The following CNTNAP2 variants were observed in gnomAD, a reference collection of about 807,000 sequenced individuals.
CNTNAP2 encodes contactin-associated protein-like 2.
A neutral mutation model predicts 155.2 loss-of-function variants in CNTNAP2; 98 were observed. The ratio of observed to expected loss-of-function variants is 0.63; its 90% CI spans 0.54 to 0.75. The LOEUF (loss-of-function observed/expected upper bound fraction) is 0.75, where lower values mean the gene tolerates loss of function less well. Ranked by LOEUF, CNTNAP2 falls within the 30% of genes least tolerant of loss-of-function variation. The pLI is 0.00. For synonymous variants in CNTNAP2, 651 were observed against 631.2 expected (o/e 1.03, Z -0.47); for missense variants, 1,727 against 1,688.1 (o/e 1.02, Z -0.40).
At chr7:147,096,301 T>C (rs1800532017) in intron 4 of CNTNAP2, among the ~76,000 whole-genome samples, 1 of 152,206 alleles carries the variant, frequency 6.6e-6, no homozygotes, top group South Asian at 2.1e-4. Context: ...TGGAGTAATT[T>C]AATTAAAAAT....
At chr7:148,065,201 G>A (rs1168694346) in intron 15 of CNTNAP2, among the ~76,000 whole-genome samples, 1 of 152,018 alleles carries the variant, frequency 6.6e-6, no homozygotes, top group Non-Finnish European at 1.5e-5. Context: ...GACTTGTTTT[G>A]TGGCCTATCA....
intron 1 of CNTNAP2, among the ~76,000 whole-genome samples, chr7:146,744,322 A>G (rs189813361): frequency 1.9e-3 from 287 of 151,982 alleles, no homozygotes; most frequent in African/African-American, 6.4e-3. Flanking sequence ...TTAAACTTAC[A>G]TTAGATGTAT....
chr7:147,253,504 T>A, intron 8 of CNTNAP2, among the ~76,000 whole-genome samples: 1 of 151,936 alleles, frequency 6.6e-6, no homozygotes, highest in East Asian at 1.9e-4. Flanking sequence ...AATCACTTTC[T>A]CAGATGGTAT....
chr7:146,973,030 C>T (rs534034077), intron 3 of CNTNAP2, among the ~76,000 whole-genome samples: 3 of 151,954 alleles, frequency 2.0e-5, no homozygotes, highest in South Asian at 4.2e-4. Flanking sequence ...TGTTTCGTTT[C>T]TCTCTCTCTC....
chr7:148,112,867 T>TA (rs1563203273), intron 15 of CNTNAP2, among the ~76,000 whole-genome samples: 33 of 150,708 alleles, frequency 2.2e-4, no homozygotes, highest in African/African-American at 7.1e-4. Flanking sequence ...GTTTTTTTTT[T>TA]TAAAAAAAAA....
At position 146,777,351 on chromosome 7, in the gene CNTNAP2, G is replaced by C. The variant is rs139934334; in HGVS notation, c.208+2970G>C. Among the ~76,000 whole-genome samples the C allele has an allele frequency of 2.9e-3, 444 of 152,186 alleles. 5 individuals carry two copies. The highest frequency in any genetic ancestry group is 9.9e-3 in the African/African-American group (411 of 41,542). On this transcript the variant is annotated intron_variant, in intron 2 of 23. Transcript: ENST00000361727. ...CGCCCTCCCCAACGCTCTCATTTTT[G>C]CTCCCTAATTTTTACGGATGGTGAG...
At chr7:146,724,107 C>G (rs1257358668) in intron 1 of CNTNAP2, among the ~76,000 whole-genome samples, 1 of 152,110 alleles carries the variant, frequency 6.6e-6, no homozygotes, top group East Asian at 1.9e-4. Context: ...TGCAAGATAT[C>G]AAAGGTGAGA....
intron 9 of CNTNAP2, among the ~76,000 whole-genome samples, chr7:147,379,457 A>G (rs543405527): frequency 2.7e-4 from 41 of 152,168 alleles, no homozygotes; most frequent in African/African-American, 9.9e-4. Flanking sequence ...TAGTAATCCT[A>G]TAATTCCAGA....
At position 147,678,250 on chromosome 7, in the gene CNTNAP2, A is replaced by G. The variant is rs1467876906; in HGVS notation, c.2098+38944A>G. On this transcript the variant is annotated intron_variant, in intron 13 of 23. Transcript: ENST00000361727. Reference sequence around the variant, plus strand: ...TCATTGCCTTGCAGCAGTTTTTCCCAATACCAGGGCCATGTTCTTAGCTGG... The same window carrying G: ...TCATTGCCTTGCAGCAGTTTTTCCCGATACCAGGGCCATGTTCTTAGCTGG... Among the ~76,000 whole-genome samples, 3 of 151,734 alleles carry G rather than the reference A, an allele frequency of 2.0e-5. No individual in the cohort carries two copies. In the East Asian group the frequency reaches 5.8e-4, roughly 29 times the overall value.
At position 147,268,319 on chromosome 7, in the gene CNTNAP2, T is replaced by A. The variant is rs112749601; in HGVS notation, c.1349-31822T>A. 6.9e-3 allele frequency among the ~76,000 whole-genome samples: 1,054 copies of A among 152,288 alleles called. 19 individuals are homozygous for A. The highest frequency in any genetic ancestry group is 0.024 in the African/African-American group (1,005 of 41,554). ...CAAATTTATATCTTGCTGCACTGAC[T>A]TCTAAACTCTATGCAGCCATGAAAA... On this transcript the variant is annotated intron_variant, in intron 8 of 23. Transcript: ENST00000361727.
intron 13 of CNTNAP2, among the ~76,000 whole-genome samples, chr7:147,825,519 G>GT (rs1798433104): frequency 6.6e-6 from 1 of 152,084 alleles, no homozygotes; most frequent in Admixed American, 6.6e-5. Flanking sequence ...AACTAGGATT[G>GT]TTTTTCCTCA....
chr7:147,415,501 C>T (rs1797177408), intron 10 of CNTNAP2, among the ~76,000 whole-genome samples: 1 of 152,200 alleles, frequency 6.6e-6, no homozygotes, highest in South Asian at 2.1e-4. Flanking sequence ...TCTTCTTTCA[C>T]TCATCACTTC....
intron 9 of CNTNAP2, chr7:147,378,063 A>G: frequency 2.1e-6 from 1 of 465,950 alleles, no homozygotes; most frequent in South Asian, 1.6e-5. Context: ...AGTTTTTGTC[A>G]TTACTTTTAA....
chr7:147,138,364 AC>A (rs1454559218), intron 8 of CNTNAP2, among the ~76,000 whole-genome samples: 1 of 151,908 alleles, frequency 6.6e-6, no homozygotes, highest in African/African-American at 2.4e-5. Flanking sequence ...GAAATAAGAT[AC>A]CCTTGGACAT....
At chr7:147,075,621 TTTC>T (rs757335767) in intron 4 of CNTNAP2, among the ~76,000 whole-genome samples, 51 of 152,240 alleles carry the variant, frequency 3.3e-4, no homozygotes, top group Admixed American at 2.7e-3. Flanking sequence ...AATGAATAAA[TTTC>T]TTCTTTTTTC....
intron 13 of CNTNAP2, among the ~76,000 whole-genome samples, chr7:147,737,345 G>T (rs1309833614): frequency 6.6e-6 from 1 of 152,114 alleles, no homozygotes; most frequent in African/African-American, 2.4e-5. Context: ...GTGAATATTG[G>T]TGAACAGCAA....
At chr7:148,358,535 C>T (rs1798561574) in intron 21 of CNTNAP2, among the ~76,000 whole-genome samples, 1 of 152,178 alleles carries the variant, frequency 6.6e-6, no homozygotes, top group Admixed American at 6.5e-5. Context: ...GTCTCATCCA[C>T]TTACCATGTT....
At chr7:147,505,410 T>C (rs1798889324) in intron 11 of CNTNAP2, among the ~76,000 whole-genome samples, 1 of 152,046 alleles carries the variant, frequency 6.6e-6, no homozygotes, top group South Asian at 2.1e-4. Flanking sequence ...ATAATGAGAA[T>C]GATATCCAGC....
rs1468031997 is a variant in CNTNAP2 at position 148,415,572 on chromosome 7, T to C, written c.3952T>C (p.Phe1318Leu). 1 of 1,614,146 alleles carries C rather than the reference T, an allele frequency of 6.2e-7. No homozygotes were observed. Among genetic ancestry groups the C allele is most frequent in the East Asian group, 2.2e-5 (1 of 44,872 alleles). The change falls in exon 24 of 24, where the codon TTC (phenylalanine) becomes CTC (leucine). Residue 1318 changes from phenylalanine (F) to leucine (L), a missense_variant. Phe to Leu is a conservative substitution (Grantham distance 22). Transcript: ENST00000361727. ...DAAIMNNDPN[F>L]TETIDESKKE... The stretch of plus-strand genomic sequence containing the variant: ...CGCCATCATGAACAACGACCCCAAC[T>C]TCACAGAGACCATTGATGAAAGCAA...
Sources: allele counts gnomAD v4.1 joint callset (sites outside exome capture counted in the v4.1 genomes callset), GRCh38; gene constraint gnomAD v4.1.1; transcripts MANE v1.5; gene names NCBI Gene and HGNC (gene_info 2026-07-23, HGNC 2026-07-21).